VPS13A: variants seen among roughly 807,000 people sequenced by gnomAD.
VPS13A encodes vacuolar protein sorting 13 homolog A.
VPS13A carries 264 observed loss-of-function variants against 390.9 expected under a neutral mutation model. The observed-to-expected ratio is 0.68, with a 90% CI of 0.61 to 0.75. VPS13A has a LOEUF of 0.75. Ranked by LOEUF, VPS13A falls within the 30% of genes least tolerant of loss-of-function variation. VPS13A has a pLI of 0.00. For synonymous variants in VPS13A, 1,231 were observed against 1,227.1 expected (o/e 1.00, Z -0.07); for missense variants, 3,409 against 3,733.9 (o/e 0.91, Z 2.27).
At chr9:77,306,414 T>TTTTGTGTG (rs1554885537) in intron 34 of VPS13A, among the ~76,000 whole-genome samples, 3 of 140,782 alleles carry the variant, frequency 2.1e-5, no homozygotes, top group Non-Finnish European at 3.1e-5. Context: ...GTGTGTGTGT[T>TTTTGTGTG]TGTGTGTGTG....
chr9:77,221,070 A>G, intron 12 of VPS13A, 115 bp from the exon 13 acceptor site: 1 of 1,004,126 alleles, frequency 1.0e-6, no homozygotes. Context: ...CAGATAATAT[A>G]TCATTTTCCT....
chr9:77,320,135 C>G (rs939813330), intron 42 of VPS13A, among the ~76,000 whole-genome samples: 1 of 152,112 alleles, frequency 6.6e-6, no homozygotes, highest in Admixed American at 6.5e-5. Context: ...TTAATCCTTA[C>G]AACAACTCTT....
Position 77,340,422 on chromosome 9 carries a change from C to G in VPS13A, c.6898C>G (p.Leu2300Val). 1 of 1,613,218 alleles carries G rather than the reference C, an allele frequency of 6.2e-7. No individual in the cohort carries two copies. The highest frequency in any genetic ancestry group is 1.7e-5 in the Admixed American group (1 of 59,992). The change falls in exon 50 of 72, where the codon CTG becomes GTG. Residue 2300 changes from leucine (L) to valine (V), a missense_variant. Physicochemically the swap from Leu to Val is conservative, Grantham distance 32. Around this residue, in one of 5 missense-constraint regions of VPS13A, gnomAD observed 2,717 missense variants for 2,917.4 expected, o/e 0.93. Transcript: ENST00000360280. ...MDYQVGVTID[L>V]SSFNITRIVT... The stretch of plus-strand genomic sequence containing the variant: ...TTCTTAGGTTGGTGTCACTATAGAC[C>G]TGAGCAGTTTTAACATTACTAGAAT...
intron 22 of VPS13A, among the ~76,000 whole-genome samples, chr9:77,258,941 G>T (rs1302916734): frequency 2.0e-5 from 3 of 152,058 alleles, no homozygotes; most frequent in Non-Finnish European, 2.9e-5. Context: ...TCTTGGTTTG[G>T]ACTTGCTCTG....
intron 67 of VPS13A, among the ~76,000 whole-genome samples, chr9:77,379,326 C>G (rs1331801216): frequency 6.6e-6 from 1 of 151,560 alleles, no homozygotes; most frequent in Non-Finnish European, 1.5e-5. Flanking sequence ...CCGCAACCTC[C>G]GCCTCCCAAG....
intron 46 of VPS13A, among the ~76,000 whole-genome samples, chr9:77,333,573 C>A (rs145133886): frequency 2.3e-4 from 35 of 151,718 alleles, no homozygotes; most frequent in Non-Finnish European, 4.6e-4. Context: ...TGCCACCATG[C>A]GCAGCTAATT....
At chr9:77,244,784 T>G (rs1824708524) in intron 19 of VPS13A, among the ~76,000 whole-genome samples, 1 of 151,894 alleles carries the variant, frequency 6.6e-6, no homozygotes. Flanking sequence ...AATTCTATAA[T>G]CAGCCCAAAT....
chr9:77,260,637 G>A (rs1479325498), intron 23 of VPS13A, among the ~76,000 whole-genome samples: 2 of 151,810 alleles, frequency 1.3e-5, no homozygotes, highest in Admixed American at 1.3e-4. Context: ...TTACAGACGT[G>A]AGCCACCACG....
intron 19 of VPS13A, among the ~76,000 whole-genome samples, chr9:77,245,007 T>C (rs1824724305): frequency 1.3e-5 from 2 of 152,172 alleles, no homozygotes; most frequent in South Asian, 2.1e-4. Context: ...GAAAGCTGAA[T>C]TGGTTCTAAT....
chr9:77,278,427 T>C (rs956529999), intron 26 of VPS13A, among the ~76,000 whole-genome samples: 16 of 152,104 alleles, frequency 1.1e-4, no homozygotes, highest in African/African-American at 3.6e-4. Context: ...GAACAAAGGA[T>C]TAAAAAACCC....
chr9:77,301,672 T>C (rs1564708544), intron 33 of VPS13A, among the ~76,000 whole-genome samples: 1 of 152,322 alleles, frequency 6.6e-6, no homozygotes, highest in East Asian at 1.9e-4. Flanking sequence ...ATGGGAGGCT[T>C]CTATGGTCAC....
chr9:77,278,275 CG>C (rs1024200503), intron 26 of VPS13A, among the ~76,000 whole-genome samples: 5 of 136,050 alleles, frequency 3.7e-5, no homozygotes, highest in Non-Finnish European at 7.7e-5. Context: ...TTAGTAGAGA[CG>C]GGGTTTCACC....
At chr9:77,268,933 CCAT>C (rs1252099876) in intron 23 of VPS13A, among the ~76,000 whole-genome samples, 1 of 149,470 alleles carries the variant, frequency 6.7e-6, no homozygotes, top group African/African-American at 2.5e-5. Flanking sequence ...GAGCGATACT[CCAT>C]CTCAAAAAAA....
At chr9:77,262,841 C>T (rs111468802) in intron 23 of VPS13A, among the ~76,000 whole-genome samples, 96 of 152,246 alleles carry the variant, frequency 6.3e-4, no homozygotes, top group African/African-American at 2.2e-3. Context: ...CATTGATGGG[C>T]ATTTGGGTTG....
At chr9:77,303,133 T>A (rs1828480844) in intron 34 of VPS13A, 71 bp downstream of exon 34, 1 of 1,526,222 alleles carries the variant, frequency 6.6e-7, no homozygotes, top group Admixed American at 1.7e-5. Context: ...ACATAAGGCA[T>A]CATTTGAGTG....
chr9:77,366,805 C>T lies in VPS13A; in HGVS notation c.8404C>T (p.His2802Tyr), dbSNP rs969096312. The T allele has an allele frequency of 6.3e-5, 101 of 1,613,068 alleles. 4 individuals are homozygous for T. Among genetic ancestry groups the T allele is most frequent in the Non-Finnish European group, 3.4e-6 (4 of 1,179,474 alleles). ...SKQNGGLIPV[H>Y]SLNLLLKSIG... is the part of the protein sequence containing the mutation. ...ACAAAATGGAGGACTGATTCCAGTT[C>T]ATTCTTTAAATCTTTTGCTGAAGAG... Residue 2802 changes from histidine (H) to tyrosine (Y), a missense_variant, in exon 61 of 72, where the codon CAT becomes TAT. Around this residue, in one of 5 missense-constraint regions of VPS13A, gnomAD observed 123 missense variants for 118.7 expected, o/e 1.04. Transcript: ENST00000360280.
In VPS13A at chr9:77,370,595, G is replaced by A. The variant is rs1183772333; in HGVS notation, c.8907+17G>A. The A allele has an allele frequency of 7.4e-6, 12 of 1,613,686 alleles. No homozygotes were observed. Among genetic ancestry groups the A allele is most frequent in the African/African-American group, 1.3e-5 (1 of 74,860 alleles). Reference sequence around the variant, plus strand: ...TTAGTTTCTGTAAGAAATTTCACAGGGTTGTGAAGATTTTGGGAAATATCT... The same window carrying A: ...TTAGTTTCTGTAAGAAATTTCACAGAGTTGTGAAGATTTTGGGAAATATCT... On this transcript the variant is annotated intron_variant, in intron 65 of 71. Transcript: ENST00000360280.
At chr9:77,251,336 A>G (rs9987930) in intron 21 of VPS13A, among the ~76,000 whole-genome samples, 15,573 of 152,214 alleles carry the variant, frequency 0.1, 821 homozygotes, top group Middle Eastern at 0.13. Context: ...AAAATGCATT[A>G]TATGACTGAG....
chr9:77,247,182 G>T, intron 19 of VPS13A, 77 bp from the exon 20 acceptor site: 1 of 1,233,596 alleles, frequency 8.1e-7, no homozygotes, highest in Non-Finnish European at 1.1e-6. Flanking sequence ...TGTTTTATCA[G>T]TTCATATATT....
Sources: gnomAD v4.1 joint callset for allele counts (sites outside exome capture counted in the v4.1 genomes callset) on GRCh38, gnomAD v4.1.1 for gene constraint, gnomAD v4.1.1 regional missense constraint, MANE v1.5 for transcripts, NCBI Gene and HGNC (gene_info 2026-07-23, HGNC 2026-07-21) for gene names.